SNED1: variants seen among roughly 807,000 people sequenced by gnomAD.
SNED1 encodes sushi, nidogen and EGF-like domain-containing protein 1.
A neutral mutation model predicts 166.7 loss-of-function variants in SNED1; 81 were observed. The ratio of observed to expected loss-of-function variants is 0.49; its 90% CI spans 0.41 to 0.58. The LOEUF (loss-of-function observed/expected upper bound fraction) is 0.58, where lower values mean the gene tolerates loss of function less well. Ranked by LOEUF, SNED1 falls within the 20% of genes least tolerant of loss-of-function variation. The pLI is 0.00. For missense variants in SNED1, 1,604 were observed against 2,000.2 expected (o/e 0.80, Z 3.78); for synonymous variants, 762 against 822.0 (o/e 0.93, Z 1.25).
At chr2:241,019,463 A>G (rs1340527098) in intron 1 of SNED1, among the ~76,000 whole-genome samples, 1 of 152,138 alleles carries the variant, frequency 6.6e-6, no homozygotes, top group Non-Finnish European at 1.5e-5. Flanking sequence ...TAACCTGGAG[A>G]GCGGAGACCC....
At position 241,069,640 on chromosome 2, in the gene SNED1, C is replaced by T. The variant is rs10171729; in HGVS notation, c.3308-280C>T. On this transcript the variant is annotated intron_variant, in intron 23 of 31. Transcript: ENST00000310397. This position sits in a 1 kb window ranked among gnomAD's most constrained non-coding sequence, Gnocchi z 4.9. ...CCAGGCTCAGGGGAACCGACTGTGC[C>T]GCAGGGAGGGCGCCAGCTGACGGGC... Among the ~76,000 whole-genome samples the T allele has an allele frequency of 0.3, 45,352 of 152,076 alleles. 8,920 individuals are homozygous for T. The highest frequency in any genetic ancestry group is 0.54 in the African/African-American group (22,226 of 41,466).
At position 241,052,363 on chromosome 2, in the gene SNED1, C is replaced by T; in HGVS notation, c.1978C>T (p.Pro660Ser). ...TTCCTGCATTCTGGCAGCCCCCTCCCCCTGCTTCCGGAGCCCGTGTGTGAA... is the reference window on the plus strand; with the variant it reads ...TTCCTGCATTCTGGCAGCCCCCTCCTCCTGCTTCCGGAGCCCGTGTGTGAA... ...SGRHCEIAPS[P>S]CFRSPCVNGG... The change falls in exon 15 of 32, where the codon CCC becomes TCC. Residue 660 changes from proline to serine, a missense_variant. By Grantham distance (74) the Pro-to-Ser change is moderately conservative. Coordinates refer to ENST00000310397, the MANE Select transcript of SNED1 (RefSeq NM_001080437.3). The T allele has an allele frequency of 1.3e-6, 2 of 1,574,834 alleles. No homozygotes were observed. The highest frequency in any genetic ancestry group is 1.3e-5 in the African/African-American group (1 of 74,426).
Position 241,064,833 on chromosome 2 carries a change from T to A in SNED1, c.2600-11T>A, listed in dbSNP as rs1186139245. 1.8e-5 allele frequency: 29 copies of A among 1,570,730 alleles called. No individual in the cohort carries two copies. The highest frequency in any genetic ancestry group is 2.5e-5 in the Non-Finnish European group (29 of 1,163,578). On this transcript the variant is annotated splice_polypyrimidine_tract_variant and intron_variant, in intron 19 of 31. Transcript: ENST00000310397. This position sits in a 1 kb window ranked among gnomAD's most constrained non-coding sequence, Gnocchi z 7.0. ...CGCCCCAACATACACTGCCACTTTT[T>A]CTCCCCTCAGTGAGTGACCCCTGCT...
Position 241,091,420 on chromosome 2 carries a change from G to A in SNED1, c.*2-218G>A, listed in dbSNP as rs966479256. Among the ~76,000 whole-genome samples, 25 of 151,972 alleles carry A rather than the reference G, an allele frequency of 1.6e-4. No individual in the cohort carries two copies. Among genetic ancestry groups the A allele is most frequent in the African/African-American group, 3.9e-4 (16 of 41,378 alleles). On this transcript the variant is annotated intron_variant, in intron 31 of 31. Coordinates refer to ENST00000310397, the MANE Select transcript of SNED1 (RefSeq NM_001080437.3). The surrounding 1 kb of genome is among the most constrained non-coding windows in gnomAD (Gnocchi z 4.1). ...TAGTCGGTGGAGGCTGCCCCTCCCC[G>A]TGTGCACTGCCATATGGTAGAATCC...
chr2:241,069,008 A>G lies in SNED1; in HGVS notation c.3292A>G (p.Thr1098Ala). ...CACAGAGAGCCTGGCCACCGCGCCG[A>G]CGCACGTGTGGACCCGTGAGTAGAG... Reference protein sequence around the residue: ...HPTESLATAPTHVWTRPLPPA... With the variant: ...HPTESLATAPAHVWTRPLPPA... The change falls in exon 23 of 32, where the codon ACG (threonine) becomes GCG (alanine). Residue 1098 changes from threonine to alanine, a missense_variant. By Grantham distance (58) the Thr-to-Ala change is moderately conservative. This residue lies in a region of SNED1 where 1,237 missense variants were observed against 1,620.8 expected (regional missense o/e 0.76). Transcript: ENST00000310397. This position sits in a 1 kb window ranked among gnomAD's most constrained non-coding sequence, Gnocchi z 4.9. 6 of 1,551,762 alleles carry G rather than the reference A, an allele frequency of 3.9e-6. No homozygotes were observed. The highest frequency in any genetic ancestry group is 1.7e-6 in the Non-Finnish European group (2 of 1,147,696).
chr2:241,012,235 C>G (rs2106569491), intron 1 of SNED1, among the ~76,000 whole-genome samples: 1 of 152,356 alleles, frequency 6.6e-6, no homozygotes, highest in African/African-American at 2.4e-5. Context: ...CCAGATGCTT[C>G]TCCCCCAACC....
Position 241,064,260 on chromosome 2 carries a change from G to A in SNED1, c.2599+135G>A. The A allele has an allele frequency of 1.6e-6, 1 of 626,106 alleles. No individual in the cohort carries two copies. Among genetic ancestry groups the A allele is most frequent in the Non-Finnish European group, 2.7e-6 (1 of 373,742 alleles). The allele number at this position is 626,106 out of a possible 1,614,324, so 38.8% of individuals were successfully genotyped here. On this transcript the variant is annotated intron_variant, in intron 19 of 31. Coordinates refer to ENST00000310397, the MANE Select transcript of SNED1 (RefSeq NM_001080437.3). The surrounding 1 kb of genome is among the most constrained non-coding windows in gnomAD (Gnocchi z 7.0). Reference sequence around the variant, plus strand: ...CTCCCCGCCCTCTGCCCGCCGCCTTGGAAGTCCCCTTCTCAGGCCAGTGGC... The same window carrying A: ...CTCCCCGCCCTCTGCCCGCCGCCTTAGAAGTCCCCTTCTCAGGCCAGTGGC...
intron 16 of SNED1, 22 bp downstream of exon 16, chr2:241,053,348 G>A (rs370328132): frequency 2.7e-5 from 42 of 1,540,270 alleles, no homozygotes; most frequent in Non-Finnish European, 3.7e-5. Flanking sequence ...GGCCCTTGGG[G>A]TGGGGCAGGT....
At chr2:241,035,741 AT>A (rs2061332220) in intron 4 of SNED1, 1 of 40,094 alleles carries the variant, frequency 2.5e-5, no homozygotes, top group Admixed American at 2.9e-4. Context: ...GGGGTGGGGG[AT>A]GAGGGGTAGA....
chr2:241,010,834 G>C (rs1035863181), intron 1 of SNED1: 2 of 152,718 alleles, frequency 1.3e-5, no homozygotes, highest in African/African-American at 4.8e-5. Flanking sequence ...TCAGCAGCTG[G>C]TGCTTGGCTG....
intron 2 of SNED1, 126 bp downstream of exon 2, chr2:241,030,697 C>T (rs1043960394): frequency 9.7e-7 from 1 of 1,032,148 alleles, no homozygotes; most frequent in East Asian, 2.6e-5. Flanking sequence ...AAGAGGGGAA[C>T]ACGTGGTCAA....
In SNED1 at chr2:241,094,304, C is replaced by T. The variant is rs1218063216; in HGVS notation, c.*2668C>T. 4 of 469,660 alleles carry T rather than the reference C, an allele frequency of 8.5e-6. No homozygotes were observed. Among genetic ancestry groups the T allele is most frequent in the Non-Finnish European group, 1.3e-5 (3 of 226,906 alleles). 29.1% of individuals were successfully genotyped at this position (469,660 alleles called of 1,614,324 possible). A position where few individuals can be genotyped will look rare whatever the true frequency, so the allele number is the denominator to read the frequency against. ...CCTGCACCTCCCCTTAGCAGGAACT[C>T]CTTCCACTGGCAAAGGACTGCCACT... On this transcript the variant is annotated 3_prime_UTR_variant, in exon 32 of 32. Transcript: ENST00000310397. The surrounding 1 kb of genome is among the most constrained non-coding windows in gnomAD (Gnocchi z 4.3).
Position 241,091,697 on chromosome 2 carries a change from T to C in SNED1, c.*61T>C, listed in dbSNP as rs2064018847. The C allele has an allele frequency of 6.6e-6, 1 of 152,244 alleles. No homozygotes were observed. The highest frequency in any genetic ancestry group is 2.4e-5 in the African/African-American group (1 of 41,450). The allele number at this position is 152,244 out of a possible 1,614,324, so 9.4% of individuals were successfully genotyped here. On this transcript the variant is annotated 3_prime_UTR_variant, in exon 32 of 32. Coordinates refer to ENST00000310397, the MANE Select transcript of SNED1 (RefSeq NM_001080437.3). This position sits in a 1 kb window ranked among gnomAD's most constrained non-coding sequence, Gnocchi z 4.1. Reference sequence around the variant, plus strand: ...CACGAGTTTCTAACACCCAGGAAGATGAGGTCTAAAAACTGGATGAAAAAG... The same window carrying C: ...CACGAGTTTCTAACACCCAGGAAGACGAGGTCTAAAAACTGGATGAAAAAG...
At chr2:241,067,539 C>T (rs1210645458) in intron 21 of SNED1, among the ~76,000 whole-genome samples, 1 of 152,202 alleles carries the variant, frequency 6.6e-6, no homozygotes, top group Non-Finnish European at 1.5e-5. Context: ...CCACAGCGGG[C>T]TCTGCAGCCG....
At chr2:241,016,173 A>G (rs1448026530) in intron 1 of SNED1, among the ~76,000 whole-genome samples, 1 of 141,188 alleles carries the variant, frequency 7.1e-6, no homozygotes, top group Non-Finnish European at 1.5e-5. Flanking sequence ...ACAAAAGCCC[A>G]CTCTGTCATG....
In SNED1 at chr2:241,058,134, G is replaced by A. The variant is rs116604539; in HGVS notation, c.2258-4657G>A. Among the ~76,000 whole-genome samples, 413 of 152,244 alleles carry A rather than the reference G, an allele frequency of 2.7e-3. 4 individuals are homozygous for A. The highest frequency in any genetic ancestry group is 9.1e-3 in the African/African-American group (378 of 41,536). ...TAGGTGTATACAAATCAAAGCTGGC[G>A]TATTAGCTATATTACTATCAGAAAA... On this transcript the variant is annotated intron_variant, in intron 16 of 31. Transcript: ENST00000310397.
chr2:241,083,625 C>A lies in SNED1; in HGVS notation c.4121+1261C>A, dbSNP rs535848347. ...ATTCGGATTCTATGCAGTGAGAGTC[C>A]GAATCCACAGTATCTGCCATCTTCC... is the stretch of plus-strand genomic sequence containing the variant. On this transcript the variant is annotated intron_variant, in intron 29 of 31. Transcript: ENST00000310397. 6.1e-4 allele frequency among the ~76,000 whole-genome samples: 93 copies of A among 152,232 alleles called. 1 individual carries two copies. The South Asian group carries it at 0.017, about 28-fold the overall frequency.
intron 16 of SNED1, among the ~76,000 whole-genome samples, chr2:241,061,282 T>G (rs1022413978): frequency 1.3e-5 from 2 of 152,174 alleles, no homozygotes; most frequent in African/African-American, 2.4e-5. Context: ...TTCTATTTCA[T>G]TAGTAATCAG....
Position 241,069,902 on chromosome 2 carries a change from T to G in SNED1, c.3308-18T>G. The G allele has an allele frequency of 6.2e-7, 1 of 1,607,952 alleles. No individual in the cohort carries two copies. On this transcript the variant is annotated intron_variant, in intron 23 of 31. Coordinates refer to ENST00000310397, the MANE Select transcript of SNED1 (RefSeq NM_001080437.3). This position sits in a 1 kb window ranked among gnomAD's most constrained non-coding sequence, Gnocchi z 4.9. ...CTGTGGGCACCCCCTCACCTCTCCC[T>G]GCTCCTGCCTCATCCAGGGCCCCTG... is the stretch of plus-strand genomic sequence containing the variant.
Sources: allele counts gnomAD v4.1 joint callset (sites outside exome capture counted in the v4.1 genomes callset), GRCh38; gene constraint gnomAD v4.1.1; regional missense constraint gnomAD v4.1.1; non-coding constraint Gnocchi (gnomAD v3.1); transcripts MANE v1.5; gene names NCBI Gene and HGNC (gene_info 2026-07-23, HGNC 2026-07-21).